The following VWA7 variants were observed in gnomAD, a reference collection of about 807,000 sequenced individuals.
The protein encoded by VWA7 is von Willebrand factor A domain-containing protein 7.
Under a neutral mutation model 83.1 loss-of-function variants are expected in VWA7, and 66 were observed. The ratio of observed to expected loss-of-function variants is 0.79; its 90% CI spans 0.65 to 0.98. VWA7 has a LOEUF of 0.98. Among genes scored for constraint, VWA7 ranks in the 50% least tolerant of loss-of-function variants. VWA7 has a pLI of 0.00. For missense variants in VWA7, 1,080 were observed against 1,160.2 expected (o/e 0.93, Z 1.00); for synonymous variants, 424 against 488.5 (o/e 0.87, Z 1.74).
At chr6:31,765,842 C>T (rs778519765) in intron 16 of VWA7, 41 bp downstream of exon 16, 12 of 1,608,348 alleles carry the variant, frequency 7.5e-6, no homozygotes, top group South Asian at 2.2e-5. Flanking sequence ...CCACCCTCCC[C>T]GGCCTTGCCC....
chr6:31,768,139 CAAAAAAAAAA>C (rs9279412), intron 10 of VWA7, among the ~76,000 whole-genome samples: 1 of 77,106 alleles, frequency 1.3e-5, no homozygotes, highest in Non-Finnish European at 2.4e-5. Context: ...GACTCTGTCT[CAAAAAAAAAA>C]AAAAAAAAAA....
At position 31,776,607 on chromosome 6, in the gene VWA7, AG is replaced by A; in HGVS notation, c.172del (p.Leu58CysfsTer47). 6.5e-7 allele frequency: 1 copy of A among 1,548,542 alleles called. No individual in the cohort carries two copies. Among genetic ancestry groups the A allele is most frequent in the Non-Finnish European group, 8.7e-7 (1 of 1,146,060 alleles). On this transcript the variant is annotated frameshift_variant, in exon 2 of 17. Coordinates refer to ENST00000375688, the MANE Select transcript of VWA7 (RefSeq NM_025258.3). LOFTEE classifies it high-confidence loss of function. This position sits in a 1 kb window ranked among gnomAD's most constrained non-coding sequence, Gnocchi z 6.2. ...LTEEAALNVT[L>X]QLFLEQPPPG... The stretch of plus-strand genomic sequence containing the variant: ...GGGTGGCTGCTCCAGGAAGAGCTGC[AG>A]GGTGACGTTGAGCGCTGCCTCCTCA...
Position 31,777,052 on chromosome 6 carries a change from G to A in VWA7, c.-16+57C>T. 1 of 411,302 alleles carries A rather than the reference G, an allele frequency of 2.4e-6. No individual in the cohort carries two copies. Among genetic ancestry groups the A allele is most frequent in the East Asian group, 3.6e-5 (1 of 27,846 alleles). The allele number at this position is 411,302 out of a possible 1,614,324, so 25.5% of individuals were successfully genotyped here. A position where few individuals can be genotyped will look rare whatever the true frequency, so the allele number is the denominator to read the frequency against. On this transcript the variant is annotated intron_variant, in intron 1 of 16. Coordinates refer to ENST00000375688, the MANE Select transcript of VWA7 (RefSeq NM_025258.3). The surrounding 1 kb of genome is among the most constrained non-coding windows in gnomAD (Gnocchi z 5.8). ...AGTCCCTGGCTGCGTCCCCAGCCCT[G>A]CCGCAGAAACACTCCCCATGCTCAG...
chr6:31,768,944 C>G, intron 10 of VWA7, 74 bp downstream of exon 10: 1 of 1,448,480 alleles, frequency 6.9e-7, no homozygotes, highest in Admixed American at 2.5e-5. Flanking sequence ...AGTGATTCCC[C>G]TTTCTCCTAT....
Position 31,769,814 on chromosome 6 carries a change from G to A in VWA7, c.1201-23C>T, listed in dbSNP as rs749991416. The A allele has an allele frequency of 6.2e-7, 1 of 1,604,396 alleles. No homozygotes were observed. The highest frequency in any genetic ancestry group is 1.3e-5 in the African/African-American group (1 of 74,876). On this transcript the variant is annotated intron_variant, in intron 8 of 16. Transcript: ENST00000375688. This position sits in a 1 kb window ranked among gnomAD's most constrained non-coding sequence, Gnocchi z 4.5. ...CAGCTGGCAGGGAAGGCAACGACCA[G>A]TGTTAACAATGGCAGTAGGAGGGGA...
Position 31,775,523 on chromosome 6 carries a change from C to G in VWA7, c.514-94G>C, listed in dbSNP as rs566539103. The G allele has an allele frequency of 7.4e-5, 81 of 1,098,756 alleles. No individual in the cohort carries two copies. The Admixed American group carries it at 1.5e-3, about 20-fold the overall frequency. 68.1% of individuals were successfully genotyped at this position (1,098,756 alleles called of 1,614,324 possible). On this transcript the variant is annotated intron_variant, in intron 3 of 16. Coordinates refer to ENST00000375688, the MANE Select transcript of VWA7 (RefSeq NM_025258.3). The surrounding 1 kb of genome is among the most constrained non-coding windows in gnomAD (Gnocchi z 5.9). ...TATGCCACTCCTTTGAGTTCCCCATCCCGAAAGTCCCCTCCCACCCCTACT... is the reference window on the plus strand; with the variant it reads ...TATGCCACTCCTTTGAGTTCCCCATGCCGAAAGTCCCCTCCCACCCCTACT...
rs1468979427 is a variant in VWA7, at chr6:31,766,272, C to T, written c.2297G>A (p.Ser766Asn). The T allele has an allele frequency of 6.2e-7, 1 of 1,612,456 alleles. No homozygotes were observed. The highest frequency in any genetic ancestry group is 1.1e-5 in the South Asian group (1 of 90,978). Reference sequence around the variant, plus strand: ...GGAGAGGTTGGAGGTGAGGGAGAAGCTGGGGTTGACGAAAGTCCTAAGGTC... The same window carrying T: ...GGAGAGGTTGGAGGTGAGGGAGAAGTTGGGGTTGACGAAAGTCCTAAGGTC... ...DLDLRTFVNP[S>N]FSLTSNLSRA... The change falls in exon 15 of 17, where the codon AGC becomes AAC. Residue 766 changes from serine (S) to asparagine (N), a missense_variant. By Grantham distance (46) the Ser-to-Asn change is conservative. Transcript: ENST00000375688. The surrounding 1 kb of genome is among the most constrained non-coding windows in gnomAD (Gnocchi z 4.9).
Position 31,766,849 on chromosome 6 carries a change from C to A in VWA7, c.1883-85G>T. 1 of 1,449,854 alleles carries A rather than the reference C, an allele frequency of 6.9e-7. No individual in the cohort carries two copies. Among genetic ancestry groups the A allele is most frequent in the Admixed American group, 2.2e-5 (1 of 44,808 alleles). 89.8% of individuals were successfully genotyped at this position (1,449,854 alleles called of 1,614,324 possible). On this transcript the variant is annotated intron_variant, in intron 13 of 16. Transcript: ENST00000375688. The surrounding 1 kb of genome is among the most constrained non-coding windows in gnomAD (Gnocchi z 4.9). ...ATTAATGGCCTTCAAAATAGGGGTTCCCTCTGGGGAGTATGGATGGGAAAA... is the reference window on the plus strand; with the variant it reads ...ATTAATGGCCTTCAAAATAGGGGTTACCTCTGGGGAGTATGGATGGGAAAA...
chr6:31,766,803 C>G lies in VWA7; in HGVS notation c.1883-39G>C, dbSNP rs530467750. 3 of 1,561,926 alleles carry G rather than the reference C, an allele frequency of 1.9e-6. No individual in the cohort carries two copies. Among genetic ancestry groups the G allele is most frequent in the Admixed American group, 1.8e-5 (1 of 55,346 alleles). On this transcript the variant is annotated intron_variant, in intron 13 of 16. Coordinates refer to ENST00000375688, the MANE Select transcript of VWA7 (RefSeq NM_025258.3). The surrounding 1 kb of genome is among the most constrained non-coding windows in gnomAD (Gnocchi z 4.9). ...GAGGAGGGGAGAACATTGTGAGATT[C>G]GGAGACACAGGGAGAAAAGAATTAA... is the stretch of plus-strand genomic sequence containing the variant.
At position 31,769,968 on chromosome 6, in the gene VWA7, G is replaced by A; in HGVS notation, c.1200+33C>T. ...GGATCTAGCTCCCCCTGGTGGTGGG[G>A]CCAGGAAACGGGGAAGAAGGGAGGG... On this transcript the variant is annotated intron_variant, in intron 8 of 16. Transcript: ENST00000375688. The surrounding 1 kb of genome is among the most constrained non-coding windows in gnomAD (Gnocchi z 4.5). 1.2e-6 allele frequency: 2 copies of A among 1,601,498 alleles called. No homozygotes were observed. The highest frequency in any genetic ancestry group is 1.7e-6 in the Non-Finnish European group (2 of 1,170,028).
At position 31,765,937 on chromosome 6, in the gene VWA7, T is replaced by C; in HGVS notation, c.2445A>G (p.Pro815=). ...TVTAGGREAN[P]VPPTHAFLRL... ...GGAGGAAAGCATGAGTCGGGGGTAC[T>C]GGGTTGGCTTCTCGTCCCCCTGCAG... The change falls in exon 16 of 17, where the codon CCA becomes CCG. Residue 815 remains proline, a synonymous_variant. Coordinates refer to ENST00000375688, the MANE Select transcript of VWA7 (RefSeq NM_025258.3). The C allele has an allele frequency of 1.2e-6, 2 of 1,612,928 alleles. No homozygotes were observed. The highest frequency in any genetic ancestry group is 1.3e-5 in the African/African-American group (1 of 75,050).
In VWA7 at chr6:31,769,298, T is replaced by C; in HGVS notation, c.1318-95A>G. 1.4e-6 allele frequency: 2 copies of C among 1,438,630 alleles called. No individual in the cohort carries two copies. The highest frequency in any genetic ancestry group is 1.9e-6 in the Non-Finnish European group (2 of 1,064,404). 89.1% of individuals were successfully genotyped at this position (1,438,630 alleles called of 1,614,324 possible). The stretch of plus-strand genomic sequence containing the variant: ...GTGCTCAAGCTTTCTCCAGAGCTGA[T>C]GGTTTGTGATAAGGTCTCTGCCTGC... On this transcript the variant is annotated intron_variant, in intron 9 of 16. Transcript: ENST00000375688. This position sits in a 1 kb window ranked among gnomAD's most constrained non-coding sequence, Gnocchi z 4.5.
In VWA7 at chr6:31,769,324, C is replaced by A; in HGVS notation, c.1318-121G>T. ...GGTTTGTGATAAGGTCTCTGCCTGC[C>A]TTCTGGCTGCTGGGGTGGGGAATCC... On this transcript the variant is annotated intron_variant, in intron 9 of 16. Transcript: ENST00000375688. This position sits in a 1 kb window ranked among gnomAD's most constrained non-coding sequence, Gnocchi z 4.5. 1 of 1,231,518 alleles carries A rather than the reference C, an allele frequency of 8.1e-7. No individual in the cohort carries two copies. Among genetic ancestry groups the A allele is most frequent in the Non-Finnish European group, 1.1e-6 (1 of 899,090 alleles). 76.3% of individuals were successfully genotyped at this position (1,231,518 alleles called of 1,614,324 possible).
In VWA7 at chr6:31,775,350, AG is replaced by A. The variant is rs773282228; in HGVS notation, c.592del (p.Leu198SerfsTer18). 65 of 1,612,214 alleles carry A rather than the reference AG, an allele frequency of 4.0e-5. No homozygotes were observed. In the African/African-American group the frequency reaches 7.9e-4, roughly 20 times the overall value. On this transcript the variant is annotated frameshift_variant, in exon 4 of 17. Coordinates refer to ENST00000375688, the MANE Select transcript of VWA7 (RefSeq NM_025258.3). LOFTEE classifies it high-confidence loss of function. This position sits in a 1 kb window ranked among gnomAD's most constrained non-coding sequence, Gnocchi z 5.9. Reference sequence around the variant, plus strand: ...AGCCATACCTTGTGCCAGGTTCTGGAGCTCCTGCCTTGGCCAGAGGAGGTGA... The same window carrying A: ...AGCCATACCTTGTGCCAGGTTCTGGACTCCTGCCTTGGCCAGAGGAGGTGA... ...HPHLLWPRQE[L>X]QNLAQVADPT... is the part of the protein sequence containing the mutation.
chr6:31,768,231 C>T (rs1407049996), intron 10 of VWA7, among the ~76,000 whole-genome samples: 4 of 151,080 alleles, frequency 2.6e-5, no homozygotes, highest in Non-Finnish European at 4.4e-5. Flanking sequence ...GAGAGGGGCA[C>T]GGGGCCAGGG....
Position 31,766,127 on chromosome 6 carries a change from G to A in VWA7, c.2325-70C>T. On this transcript the variant is annotated intron_variant, in intron 15 of 16. Transcript: ENST00000375688. The surrounding 1 kb of genome is among the most constrained non-coding windows in gnomAD (Gnocchi z 4.9). ...AGCCTAGAGTCGGGACGCCTGCAGG[G>A]GCACGGGAGCGGAGAGGAGGATTCT... The A allele has an allele frequency of 6.3e-7, 1 of 1,598,106 alleles. No homozygotes were observed. The highest frequency in any genetic ancestry group is 8.5e-7 in the Non-Finnish European group (1 of 1,170,894).
rs1482808252 is a variant in VWA7, at chr6:31,766,875, T to C, written c.1883-111A>G. 10 of 1,242,782 alleles carry C rather than the reference T, an allele frequency of 8.0e-6. No homozygotes were observed. Among genetic ancestry groups the C allele is most frequent in the Non-Finnish European group, 8.7e-6 (8 of 916,370 alleles). The allele number at this position is 1,242,782 out of a possible 1,614,324, so 77.0% of individuals were successfully genotyped here. On this transcript the variant is annotated intron_variant, in intron 13 of 16. Transcript: ENST00000375688. The surrounding 1 kb of genome is among the most constrained non-coding windows in gnomAD (Gnocchi z 4.9). ...CCTCTGGGGAGTATGGATGGGAAAA[T>C]AGGTTACCTTCGAGGGGTATTGATG...
In VWA7 at chr6:31,769,139, G is replaced by A; in HGVS notation, c.1382C>T (p.Ser461Phe). 1.2e-6 allele frequency: 2 copies of A among 1,613,118 alleles called. No homozygotes were observed. The highest frequency in any genetic ancestry group is 1.7e-6 in the Non-Finnish European group (2 of 1,180,048). ...TTTGTATGGCTCAAAACGCAGAGGG[G>A]ACAAGATCTCACGCCGAGCTCGACC... ...VQGRARREILSPLRFEPYKAV... is the reference protein window; with the variant it reads ...VQGRARREILFPLRFEPYKAV... Residue 461 changes from serine to phenylalanine, a missense_variant, in exon 10 of 17, where the codon TCC becomes TTC. Ser to Phe is a radical substitution (Grantham distance 155). Transcript: ENST00000375688. This position sits in a 1 kb window ranked among gnomAD's most constrained non-coding sequence, Gnocchi z 4.5.
At chr6:31,768,990 CTAAG>C (rs1811902386) in intron 10 of VWA7, 24 bp downstream of exon 10, 1 of 1,591,086 alleles carries the variant, frequency 6.3e-7, no homozygotes, top group Non-Finnish European at 8.6e-7. Context: ...CCTTCAGTTC[CTAAG>C]TGAGGGCCCT....
Sources: allele counts gnomAD v4.1 joint callset (sites outside exome capture counted in the v4.1 genomes callset), GRCh38; gene constraint gnomAD v4.1.1; non-coding constraint Gnocchi (gnomAD v3.1); transcripts MANE v1.5; gene names NCBI Gene and HGNC (gene_info 2026-07-23, HGNC 2026-07-21).